TRRAP: variants seen among roughly 807,000 people sequenced by gnomAD.
The protein encoded by TRRAP is transformation/transcription domain-associated protein.
In TRRAP, 41 loss-of-function variants were observed where a neutral mutation model predicts 438.8. The ratio of observed to expected loss-of-function variants is 0.09; its 90% CI spans 0.07 to 0.12. The LOEUF is 0.12. TRRAP is among the 10% of genes least tolerant of loss of function. TRRAP has a pLI of 1.00. For missense variants in TRRAP, 3,122 were observed against 5,055.1 expected (o/e 0.62, Z 11.60); for synonymous variants, 1,994 against 1,962.9 (o/e 1.02, Z -0.42).
chr7:98,977,832 C>T (rs894407246), intron 56 of TRRAP, among the ~76,000 whole-genome samples: 2 of 152,240 alleles, frequency 1.3e-5, no homozygotes, highest in African/African-American at 2.4e-5. Flanking sequence ...CACGTCTGGA[C>T]AGCCTCTCCT....
At chr7:98,991,702 T>C (rs1397221935) in intron 64 of TRRAP, among the ~76,000 whole-genome samples, 1 of 152,250 alleles carries the variant, frequency 6.6e-6, no homozygotes, top group Non-Finnish European at 1.5e-5. Context: ...TCCTCCCAGC[T>C]GCAGTTAGGC....
chr7:98,999,356 TTCCACA>T, intron 67 of TRRAP: 6 of 1,407,406 alleles, frequency 4.3e-6, no homozygotes, highest in Admixed American at 1.7e-5. Flanking sequence ...TTGACAGTGA[TTCCACA>T]TCCTGCACAG....
At chr7:98,895,303 A>G (rs1554405560) in intron 6 of TRRAP, among the ~76,000 whole-genome samples, 1 of 152,184 alleles carries the variant, frequency 6.6e-6, no homozygotes, top group African/African-American at 2.4e-5. Flanking sequence ...AATGGTTATT[A>G]TGGAATACCT....
In TRRAP at chr7:98,953,188, G is replaced by A. The variant is rs782548895; in HGVS notation, c.5485G>A (p.Ala1829Thr). The A allele has an allele frequency of 4.3e-6, 7 of 1,612,946 alleles. No homozygotes were observed. Among genetic ancestry groups the A allele is most frequent in the Non-Finnish European group, 5.9e-6 (7 of 1,179,990 alleles). The change falls in exon 40 of 73, where the codon GCG (alanine) becomes ACG (threonine). Residue 1829 changes from alanine (A) to threonine (T), a missense_variant. Coordinates refer to ENST00000456197, the MANE Select transcript of TRRAP (RefSeq NM_001375524.1). ...ACAGGTCCTGGACCCCGAGAAGCAG[G>A]CGGACATGCTGGACTCGCTGCGGAT... is the stretch of plus-strand genomic sequence containing the variant. ...ITKVLDPEKQ[A>T]DMLDSLRIYL...
At chr7:98,971,695 A>G in intron 52 of TRRAP, 104 bp from the exon 53 acceptor site, 2 of 1,433,936 alleles carry the variant, frequency 1.4e-6, no homozygotes, top group Non-Finnish European at 1.9e-6. Context: ...GGAAACGAAC[A>G]CGAATTTTAC....
At chr7:98,973,172 G>T (rs1792494910) in intron 53 of TRRAP, among the ~76,000 whole-genome samples, 1 of 152,112 alleles carries the variant, frequency 6.6e-6, no homozygotes, top group Non-Finnish European at 1.5e-5. Flanking sequence ...TAGAGACAGG[G>T]TTTCACCATG....
intron 70 of TRRAP, among the ~76,000 whole-genome samples, chr7:99,009,057 T>G (rs991013792): frequency 7.9e-5 from 12 of 152,126 alleles, no homozygotes; most frequent in African/African-American, 2.4e-4. Context: ...CCCAGCTGTT[T>G]CGGTTGCCTG....
intron 28 of TRRAP, among the ~76,000 whole-genome samples, chr7:98,935,934 T>C (rs757834209): frequency 5.3e-5 from 8 of 152,366 alleles, no homozygotes; most frequent in Non-Finnish European, 1.2e-4. Context: ...TCAGACGTTC[T>C]GGTTTAAAAG....
chr7:98,958,580 A>T (rs1387922581), intron 44 of TRRAP, among the ~76,000 whole-genome samples: 3 of 152,192 alleles, frequency 2.0e-5, no homozygotes, highest in African/African-American at 7.2e-5. Context: ...GATTGCAGGC[A>T]TGAGCCACCG....
In TRRAP at chr7:98,908,580, TG is replaced by T; in HGVS notation, c.1116-145del. Reference sequence around the variant, plus strand: ...CTTGAGCCCTCTTCTGTCATGTATCTGGGAGAGAGTAATGTGGTGAAAATGG... The same window carrying T: ...CTTGAGCCCTCTTCTGTCATGTATCTGGAGAGAGTAATGTGGTGAAAATGG... On this transcript the variant is annotated intron_variant, in intron 13 of 72. Coordinates refer to ENST00000456197, the MANE Select transcript of TRRAP (RefSeq NM_001375524.1). The surrounding 1 kb of genome is among the most constrained non-coding windows in gnomAD (Gnocchi z 4.1). 1.5e-6 allele frequency: 1 copy of T among 655,606 alleles called. No individual in the cohort carries two copies. The highest frequency in any genetic ancestry group is 2.7e-6 in the Non-Finnish European group (1 of 374,662). The allele number at this position is 655,606 out of a possible 1,614,324, so 40.6% of individuals were successfully genotyped here. A position where few individuals can be genotyped will look rare whatever the true frequency, so the allele number is the denominator to read the frequency against.
At chr7:98,944,122 A>T (rs1638584500) in intron 31 of TRRAP, among the ~76,000 whole-genome samples, 1 of 152,236 alleles carries the variant, frequency 6.6e-6, no homozygotes, top group South Asian at 2.1e-4. Flanking sequence ...GGAGGAGAGC[A>T]GAGTATATTA....
intron 67 of TRRAP, among the ~76,000 whole-genome samples, chr7:98,998,188 G>T (rs1161966361): frequency 6.6e-6 from 1 of 152,192 alleles, no homozygotes; most frequent in Non-Finnish European, 1.5e-5. Context: ...CCCAGAGACA[G>T]AAGGGCTCTA....
chr7:98,969,533 CCCCATGGCA>C (rs1242266961), intron 51 of TRRAP, among the ~76,000 whole-genome samples: 1 of 152,224 alleles, frequency 6.6e-6, no homozygotes, highest in East Asian at 1.9e-4. Context: ...TCTGCAGGGC[CCCCATGGCA>C]CCCAGTGGGT....
rs1797014750 is a variant in TRRAP, at chr7:98,910,256, C to A, written c.1551C>A (p.Thr517=). Residue 517 remains threonine (T), a synonymous_variant, in exon 15 of 73, where the codon ACC becomes ACA. Transcript: ENST00000456197. ...PPPPPPPPPA[T]PVTPAPVPPF... ...CCCCGCCCCCACCCCCACCTGCCAC[C>A]CCTGTGACCCCGGCCCCCGTGCCTC... 3 of 1,570,500 alleles carry A rather than the reference C, an allele frequency of 1.9e-6. No individual in the cohort carries two copies. The highest frequency in any genetic ancestry group is 2.6e-6 in the Non-Finnish European group (3 of 1,165,580).
intron 26 of TRRAP, among the ~76,000 whole-genome samples, chr7:98,932,412 C>A (rs1360000746): frequency 6.6e-6 from 1 of 152,296 alleles, no homozygotes; most frequent in African/African-American, 2.4e-5. Flanking sequence ...TGCGCCCAGC[C>A]TATTTTTTTT....
In TRRAP at chr7:98,897,850, A is replaced by G; in HGVS notation, c.617A>G (p.Asp206Gly). 1 of 1,613,984 alleles carries G rather than the reference A, an allele frequency of 6.2e-7. No homozygotes were observed. The highest frequency in any genetic ancestry group is 2.2e-5 in the East Asian group (1 of 44,874). The change falls in exon 8 of 73, where the codon GAC (aspartate) becomes GGC (glycine). Residue 206 changes from aspartate to glycine, a missense_variant. Asp to Gly is a moderately conservative substitution (Grantham distance 94). Coordinates refer to ENST00000456197, the MANE Select transcript of TRRAP (RefSeq NM_001375524.1). ...GTGAAAGTCAACCCGGAGCGTGAGG[A>G]CAGTGAGACTCGAACAGTAAGTGTT... The part of the protein sequence containing the change: ...IAVKVNPERE[D>G]SETRTHSIIP...
intron 6 of TRRAP, 136 bp from the exon 7 acceptor site, chr7:98,895,628 G>T: frequency 3.5e-6 from 2 of 565,610 alleles, no homozygotes; most frequent in Non-Finnish European, 5.8e-6. Flanking sequence ...TTGCCTATTT[G>T]TATCTTGAGC....
At chr7:98,991,475 C>T (rs1793431805) in intron 64 of TRRAP, among the ~76,000 whole-genome samples, 1 of 152,222 alleles carries the variant, frequency 6.6e-6, no homozygotes, top group Non-Finnish European at 1.5e-5. Context: ...AGCACTTATC[C>T]TCAGGATGCA....
chr7:98,933,222 T>G lies in TRRAP; in HGVS notation c.3853-19T>G. 2 of 1,601,584 alleles carry G rather than the reference T, an allele frequency of 1.2e-6. No individual in the cohort carries two copies. Among genetic ancestry groups the G allele is most frequent in the South Asian group, 1.1e-5 (1 of 89,282 alleles). On this transcript the variant is annotated intron_variant, in intron 26 of 72. Coordinates refer to ENST00000456197, the MANE Select transcript of TRRAP (RefSeq NM_001375524.1). ...CAAGGGGCAGCTGGTGAGTGGTGCC[T>G]CCTCCTTGGCTTCCCCAGGTCCTGC... is the stretch of plus-strand genomic sequence containing the variant.
Sources: allele counts gnomAD v4.1 joint callset (sites outside exome capture counted in the v4.1 genomes callset), GRCh38; gene constraint gnomAD v4.1.1; non-coding constraint Gnocchi (gnomAD v3.1); transcripts MANE v1.5; gene names NCBI Gene and HGNC (gene_info 2026-07-23, HGNC 2026-07-21).